LRRIQ3: variants seen among roughly 807,000 people sequenced by gnomAD.
LRRIQ3 encodes leucine-rich repeat and IQ domain-containing protein 3.
LRRIQ3 carries 75 observed loss-of-function variants against 59.3 expected under a neutral mutation model. The ratio of observed to expected loss-of-function variants is 1.26; its 90% CI spans 1.05 to 1.53. The LOEUF (loss-of-function observed/expected upper bound fraction) is 1.53. Ranked by LOEUF, LRRIQ3 falls within the 40% of genes most tolerant of loss-of-function variation. LRRIQ3 has a pLI of 0.00. For missense variants in LRRIQ3, 831 were observed against 710.0 expected, an observed-to-expected ratio of 1.17 and a Z score of -1.94; for synonymous variants, 250 against 231.3, an observed-to-expected ratio of 1.08 and a Z score of -0.73.
chr1:74,087,935 A>G (rs1481431525), intron 5 of LRRIQ3, among the ~76,000 whole-genome samples: 8 of 151,846 alleles, frequency 5.3e-5, no homozygotes, highest in Non-Finnish European at 1.5e-5. Context: ...TGTCTCTACT[A>G]AAAATACAAA....
At chr1:74,157,847 T>C (rs963913135) in intron 3 of LRRIQ3, among the ~76,000 whole-genome samples, 2 of 152,176 alleles carry the variant, frequency 1.3e-5, no homozygotes, top group Non-Finnish European at 2.9e-5. Context: ...ACACTCACTT[T>C]TGTGCTACAG....
chr1:74,082,049 T>G (rs1646278629), intron 5 of LRRIQ3: 1 of 151,612 alleles, frequency 6.6e-6, no homozygotes. Flanking sequence ...GATAATAAAT[T>G]TGATTAGTTT....
intron 5 of LRRIQ3, among the ~76,000 whole-genome samples, chr1:74,101,380 A>G (rs1015702118): frequency 2.0e-5 from 3 of 152,212 alleles, no homozygotes; most frequent in African/African-American, 7.2e-5. Flanking sequence ...CACCAGTTAG[A>G]ATGGCCATCA....
intron 3 of LRRIQ3, among the ~76,000 whole-genome samples, chr1:74,174,502 C>T (rs1649518577): frequency 6.6e-6 from 1 of 151,772 alleles, no homozygotes. Flanking sequence ...CCTGCCTCAG[C>T]CTCCCAAGCA....
chr1:74,191,739 A>C (rs937338232), intron 1 of LRRIQ3, among the ~76,000 whole-genome samples: 1 of 152,144 alleles, frequency 6.6e-6, no homozygotes, highest in African/African-American at 2.4e-5. Context: ...TAATAAAAAT[A>C]AAATGTAAAA....
chr1:74,090,715 T>TA (rs553539644), intron 5 of LRRIQ3, among the ~76,000 whole-genome samples: 85 of 150,114 alleles, frequency 5.7e-4, no homozygotes, highest in Non-Finnish European at 8.6e-4. Context: ...ACCTTGTCTC[T>TA]AAAAAAAAAG....
intron 3 of LRRIQ3, among the ~76,000 whole-genome samples, chr1:74,178,770 A>G (rs1333032): frequency 0.85 from 129,218 of 152,110 alleles, 55,777 homozygotes; most frequent in East Asian, 0.97. Context: ...AGTTCCAGTC[A>G]TAGAAGTCTA....
chr1:74,086,667 A>G (rs146051264), intron 5 of LRRIQ3, among the ~76,000 whole-genome samples: 8 of 152,236 alleles, frequency 5.3e-5, no homozygotes, highest in African/African-American at 1.9e-4. Context: ...TTATCAAAAG[A>G]TTGAGCTCAT....
chr1:74,128,152 A>G (rs995796997), intron 4 of LRRIQ3, among the ~76,000 whole-genome samples: 1 of 151,802 alleles, frequency 6.6e-6, no homozygotes. Flanking sequence ...ATTTTTCTTT[A>G]TCTTTGACTT....
At chr1:74,051,094 A>G (rs566044433) in intron 6 of LRRIQ3, among the ~76,000 whole-genome samples, 2 of 152,264 alleles carry the variant, frequency 1.3e-5, no homozygotes, top group South Asian at 4.1e-4. Context: ...CTCACTTTAC[A>G]TCTTTAATCA....
chr1:74,101,371 AC>A (rs1646530433), intron 5 of LRRIQ3, among the ~76,000 whole-genome samples: 1 of 152,182 alleles, frequency 6.6e-6, no homozygotes, highest in Admixed American at 6.5e-5. Context: ...ATCATCTCAC[AC>A]CAGTTAGAAT....
At chr1:74,129,425 G>T (rs899121428) in intron 4 of LRRIQ3, among the ~76,000 whole-genome samples, 2 of 151,944 alleles carry the variant, frequency 1.3e-5, no homozygotes, top group African/African-American at 4.8e-5. Context: ...AAGGACCCAG[G>T]GCTCTTTAGT....
chr1:74,053,484 A>G (rs956104213), intron 6 of LRRIQ3, among the ~76,000 whole-genome samples: 3 of 152,170 alleles, frequency 2.0e-5, no homozygotes, highest in Non-Finnish European at 4.4e-5. Flanking sequence ...CACAGTTGAT[A>G]AAGAACGTTA....
intron 3 of LRRIQ3, 130 bp from the exon 4 acceptor site, chr1:74,155,996 G>T: frequency 1.9e-6 from 1 of 532,740 alleles, no homozygotes; most frequent in South Asian, 4.8e-5. Context: ...AGGCATTATA[G>T]TTAAATTATG....
chr1:74,157,041 C>A (rs997810566), intron 3 of LRRIQ3, among the ~76,000 whole-genome samples: 1 of 152,190 alleles, frequency 6.6e-6, no homozygotes. Flanking sequence ...CAACACCTTG[C>A]AGATTAGTGC....
chr1:74,102,199 G>A (rs1186198172), intron 5 of LRRIQ3, among the ~76,000 whole-genome samples: 8 of 151,896 alleles, frequency 5.3e-5, no homozygotes, highest in African/African-American at 1.9e-4. Context: ...GAATAAAAAT[G>A]AAACTGCTAC....
chr1:74,171,841 G>A (rs1290488955), intron 3 of LRRIQ3, among the ~76,000 whole-genome samples: 1 of 151,902 alleles, frequency 6.6e-6, no homozygotes, highest in East Asian at 1.9e-4. Flanking sequence ...ATTTTTTCTT[G>A]ATTTATTCTT....
intron 6 of LRRIQ3, among the ~76,000 whole-genome samples, chr1:74,071,065 T>G (rs1655013900): frequency 6.6e-6 from 1 of 150,758 alleles, no homozygotes; most frequent in African/African-American, 2.5e-5. Flanking sequence ...ACATTATATA[T>G]ATAACTATAC....
chr1:74,146,207 C>T (rs1441464870), intron 4 of LRRIQ3, among the ~76,000 whole-genome samples: 1 of 152,062 alleles, frequency 6.6e-6, no homozygotes, highest in African/African-American at 2.4e-5. Context: ...ACATGTTTCT[C>T]AGAATGCATC....
Sources: allele counts gnomAD v4.1 joint callset (sites outside exome capture counted in the v4.1 genomes callset), GRCh38; gene constraint gnomAD v4.1.1; transcripts MANE v1.5; gene names NCBI Gene and HGNC (gene_info 2026-07-23, HGNC 2026-07-21).